LRMDA: variants seen among roughly 807,000 people sequenced by gnomAD.
The protein encoded by LRMDA is leucine rich melanocyte differentiation associated.
A neutral mutation model predicts 29.8 loss-of-function variants in LRMDA; 18 were observed. The observed-to-expected ratio is 0.60, with a 90% confidence interval of 0.42 to 0.90. The LOEUF (loss-of-function observed/expected upper bound fraction) is 0.90. Among genes scored for constraint, LRMDA ranks in the 40% least tolerant of loss-of-function variants. The pLI, the probability that LRMDA is intolerant of heterozygous loss-of-function variation, is 0.00. For synonymous variants in LRMDA, 125 were observed against 109.4 expected, an observed-to-expected ratio of 1.14 and a Z score of -0.89; for missense variants, 273 against 273.9, an observed-to-expected ratio of 1.00 and a Z score of 0.02.
At chr10:76,239,004 G>A (rs1201910126) in intron 5 of LRMDA, among the ~76,000 whole-genome samples, 5 of 152,236 alleles carry the variant, frequency 3.3e-5, no homozygotes, top group South Asian at 2.1e-4. Flanking sequence ...TATGGGAAAG[G>A]AAGGGGGTGA....
At chr10:75,918,935 T>C (rs183095268) in intron 2 of LRMDA, among the ~76,000 whole-genome samples, 2 of 152,236 alleles carry the variant, frequency 1.3e-5, no homozygotes, top group East Asian at 3.9e-4. Flanking sequence ...CACAAATAGT[T>C]GGGAGTTAGG....
At chr10:75,545,047 A>C (rs1362522314) in intron 2 of LRMDA, among the ~76,000 whole-genome samples, 1 of 151,888 alleles carries the variant, frequency 6.6e-6, no homozygotes, top group Non-Finnish European at 1.5e-5. Flanking sequence ...AGCGGTTCTC[A>C]GTGTGGGGAG....
intron 5 of LRMDA, among the ~76,000 whole-genome samples, chr10:76,107,343 G>C (rs1017201350): frequency 1.3e-5 from 2 of 152,220 alleles, no homozygotes; most frequent in Non-Finnish European, 2.9e-5. Flanking sequence ...GTTCCCAGGT[G>C]ATGCTGAGGC....
chr10:75,767,542 A>T (rs986661611), intron 2 of LRMDA, among the ~76,000 whole-genome samples: 2 of 152,058 alleles, frequency 1.3e-5, no homozygotes, highest in South Asian at 2.1e-4. Context: ...ATTCCTGTCC[A>T]TTTAATGGCA....
chr10:75,755,688 C>T (rs1489261483), intron 2 of LRMDA, among the ~76,000 whole-genome samples: 1 of 152,218 alleles, frequency 6.6e-6, no homozygotes, highest in East Asian at 1.9e-4. Flanking sequence ...GCCAAGAAAG[C>T]AAGCAATGCA....
intron 2 of LRMDA, among the ~76,000 whole-genome samples, chr10:75,810,943 C>T (rs182148061): frequency 1.3e-4 from 20 of 152,192 alleles, no homozygotes; most frequent in African/African-American, 4.3e-4. Context: ...AATAATATGG[C>T]TAAGAGAGGT....
intron 2 of LRMDA, among the ~76,000 whole-genome samples, chr10:75,915,221 T>C (rs1184661843): frequency 1.4e-5 from 2 of 146,440 alleles, no homozygotes; most frequent in Non-Finnish European, 3.0e-5. Context: ...CTGCAACCTC[T>C]GTCTCCCAGG....
chr10:76,091,587 T>C (rs993609553), intron 5 of LRMDA, among the ~76,000 whole-genome samples: 1 of 152,064 alleles, frequency 6.6e-6, no homozygotes, highest in Non-Finnish European at 1.5e-5. Flanking sequence ...TCATAGTCAC[T>C]TGGGGGTGCT....
intron 6 of LRMDA, among the ~76,000 whole-genome samples, chr10:76,426,412 G>A (rs1265465284): frequency 1.3e-5 from 2 of 152,196 alleles, no homozygotes; most frequent in East Asian, 3.8e-4. Flanking sequence ...TTTGAGAAGT[G>A]TCTGTTCATA....
At chr10:75,793,841 C>T (rs922034429) in intron 2 of LRMDA, among the ~76,000 whole-genome samples, 3 of 152,126 alleles carry the variant, frequency 2.0e-5, no homozygotes, top group Non-Finnish European at 2.9e-5. Flanking sequence ...AGAAATAAAC[C>T]GTTATGGTTT....
At chr10:75,610,669 GCCCAGGTTCCCCAGTCCTGACA>G (rs1186133677) in intron 2 of LRMDA, among the ~76,000 whole-genome samples, 57 of 152,278 alleles carry the variant, frequency 3.7e-4, no homozygotes, top group African/African-American at 1.3e-3. Context: ...GCAGAGGCAG[GCCCAGGTTCCCCAGTCCTGACA>G]CAATGTATTT....
At chr10:75,454,459 A>G (rs539829428) in intron 2 of LRMDA, among the ~76,000 whole-genome samples, 85 of 152,240 alleles carry the variant, frequency 5.6e-4, no homozygotes, top group African/African-American at 1.9e-3. Context: ...CCAAAGCACC[A>G]TACTCTGGGG....
intron 5 of LRMDA, among the ~76,000 whole-genome samples, chr10:76,077,103 C>G (rs1403213237): frequency 6.6e-6 from 1 of 152,024 alleles, no homozygotes; most frequent in Non-Finnish European, 1.5e-5. Flanking sequence ...CAGAAGATGC[C>G]CCAGGGCCAG....
chr10:75,469,813 C>T (rs886938303), intron 2 of LRMDA, among the ~76,000 whole-genome samples: 13 of 152,144 alleles, frequency 8.5e-5, no homozygotes, highest in African/African-American at 1.9e-4. Flanking sequence ...TGGGTGCACA[C>T]GGCCTTCTGG....
chr10:75,492,494 T>C (rs1845000238), intron 2 of LRMDA, among the ~76,000 whole-genome samples: 1 of 152,210 alleles, frequency 6.6e-6, no homozygotes, highest in African/African-American at 2.4e-5. Flanking sequence ...TAAGGAAGTA[T>C]GGCATATGTG....
chr10:75,752,785 A>G (rs1179494491), intron 2 of LRMDA, among the ~76,000 whole-genome samples: 2 of 152,050 alleles, frequency 1.3e-5, no homozygotes, highest in African/African-American at 4.8e-5. Context: ...TAAACCAATG[A>G]GCTTCTTCTC....
intron 2 of LRMDA, among the ~76,000 whole-genome samples, chr10:75,548,133 A>G (rs1840100945): frequency 6.6e-6 from 1 of 151,980 alleles, no homozygotes; most frequent in Non-Finnish European, 1.5e-5. Context: ...CCAGGGACAA[A>G]TGTTTCTCTA....
chr10:75,729,519 A>G (rs17699290), intron 2 of LRMDA, among the ~76,000 whole-genome samples: 9,947 of 152,224 alleles, frequency 0.065, 479 homozygotes, highest in South Asian at 0.14. Context: ...GAATTACTCA[A>G]TCACCCTCAA....
intron 5 of LRMDA, among the ~76,000 whole-genome samples, chr10:76,234,727 A>G (rs948872569): frequency 6.6e-6 from 1 of 152,134 alleles, no homozygotes; most frequent in Admixed American, 6.5e-5. Context: ...AACCTTATGA[A>G]CCAACCTCTC....
Sources: gnomAD v4.1 joint callset for allele counts (sites outside exome capture counted in the v4.1 genomes callset) on GRCh38, gnomAD v4.1.1 for gene constraint, MANE v1.5 for transcripts, NCBI Gene and HGNC (gene_info 2026-07-23, HGNC 2026-07-21) for gene names.